The following POLA1 variants were observed in gnomAD, a reference collection of about 807,000 sequenced individuals.
POLA1 encodes the protein DNA polymerase alpha catalytic subunit.
A neutral mutation model predicts 124.0 loss-of-function variants in POLA1; 15 were observed. That is an observed-to-expected ratio of 0.12 (90% CI 0.08 to 0.19). The LOEUF (loss-of-function observed/expected upper bound fraction) is 0.19. Among genes scored for constraint, POLA1 ranks in the 10% least tolerant of loss-of-function variants. The probability of loss-of-function intolerance (pLI) is 1.00; values close to 1 mark genes in which losing one functional copy is unlikely to be tolerated. For synonymous variants in POLA1, 408 were observed against 389.4 expected (o/e 1.05, Z -0.56); for missense variants, 886 against 1,103.4 (o/e 0.80, Z 2.79).
At chrX:24,839,074 T>C (rs1257079919) in intron 32 of POLA1, among the ~76,000 whole-genome samples, 1 of 112,198 alleles carries the variant, frequency 8.9e-6, no homozygotes, top group Non-Finnish European at 1.9e-5. Flanking sequence ...TTTCTTAAAA[T>C]GATTTAATTT....
chrX:24,719,402 A>G (rs1930057584), intron 10 of POLA1, among the ~76,000 whole-genome samples: 1 of 112,058 alleles, frequency 8.9e-6, no homozygotes, highest in African/African-American at 3.2e-5. Flanking sequence ...AAAAGATATA[A>G]TCAATTTTAG....
At chrX:24,972,707 G>C (rs2048318184) in intron 36 of POLA1, among the ~76,000 whole-genome samples, 1 of 112,177 alleles carries the variant, frequency 8.9e-6, no homozygotes, top group Non-Finnish European at 1.9e-5. Context: ...GGCTGTCACA[G>C]GTTTGCAGAA....
intron 35 of POLA1, among the ~76,000 whole-genome samples, chrX:24,895,754 T>C (rs1431915128): frequency 8.9e-6 from 1 of 112,469 alleles, no homozygotes; most frequent in African/African-American, 3.2e-5. Context: ...TTGGAGAAGA[T>C]AAAAGATCTC....
At chrX:24,884,341 G>T (rs2047039749) in intron 34 of POLA1, among the ~76,000 whole-genome samples, 1 of 110,827 alleles carries the variant, frequency 9.0e-6, no homozygotes, top group South Asian at 3.9e-4. Context: ...TAGAGACAGG[G>T]TTTTGCCATG....
chrX:24,911,318 T>A (rs961870243), intron 35 of POLA1, among the ~76,000 whole-genome samples: 3 of 111,377 alleles, frequency 2.7e-5, no homozygotes, highest in African/African-American at 9.8e-5. Context: ...ATAACAAGTT[T>A]TAAGGTATTG....
intron 36 of POLA1, among the ~76,000 whole-genome samples, chrX:24,976,454 A>G (rs2048364697): frequency 1.8e-5 from 2 of 112,429 alleles, no homozygotes; most frequent in Admixed American, 1.9e-4. Flanking sequence ...CATTTTGGAT[A>G]AAAATTTCCT....
intron 26 of POLA1, chrX:24,788,670 G>A: frequency 8.3e-7 from 1 of 1,201,560 alleles, no homozygotes; most frequent in African/African-American, 1.7e-5. Flanking sequence ...ACAAGTGCAG[G>A]TTTTTTGGCT....
chrX:24,881,721 G>A (rs1426710590), intron 34 of POLA1, among the ~76,000 whole-genome samples: 1 of 111,613 alleles, frequency 9.0e-6, no homozygotes, highest in East Asian at 2.8e-4. Flanking sequence ...TTCAGCGTTA[G>A]GTGGAATAAG....
At position 24,714,618 on chromosome X, in the gene POLA1, G is replaced by A. The variant is rs187670867; in HGVS notation, c.411G>A (p.Pro137=). ...TAAAGAAGCTCGCAGTGACAAAACC[G>A]AACAACATTAAGTCAATGTTCATTG... ...RNVKKLAVTK[P]NNIKSMFIAC... Residue 137 remains proline (P), a synonymous_variant, in exon 5 of 37, where the codon CCG becomes CCA. Transcript: ENST00000379068. 4.9e-5 allele frequency: 59 copies of A among 1,198,325 alleles called. No individual in the cohort carries two copies. The African/African-American group carries it at 5.9e-4, about 12-fold the overall frequency.
rs756503299 is a variant in POLA1, at chrX:24,814,963, T to G, written c.3297-16T>G. Reference sequence around the variant, plus strand: ...CAACTGCTGTCTTTGTTTTGTTTTTTTTTTTTTTTTTGCAGCTTTGTGATT... The same window carrying G: ...CAACTGCTGTCTTTGTTTTGTTTTTGTTTTTTTTTTTGCAGCTTTGTGATT... On this transcript the variant is annotated splice_polypyrimidine_tract_variant and intron_variant, in intron 29 of 36. Coordinates refer to ENST00000379068, the MANE Select transcript of POLA1 (RefSeq NM_001330360.2). 8 of 1,073,721 alleles carry G rather than the reference T, an allele frequency of 7.5e-6. No homozygotes were observed. The highest frequency in any genetic ancestry group is 3.3e-5 in the East Asian group (1 of 30,404). The allele number at this position is 1,073,721 out of a possible 1,213,427, so 88.5% of individuals were successfully genotyped here. A position where few individuals can be genotyped will look rare whatever the true frequency, so the allele number is the denominator to read the frequency against.
intron 36 of POLA1, among the ~76,000 whole-genome samples, chrX:24,962,407 ATTTCT>A (rs2147261849): frequency 8.9e-6 from 1 of 112,305 alleles, no homozygotes; most frequent in East Asian, 2.8e-4. Flanking sequence ...ACTTGGGCAA[ATTTCT>A]TTTGATTACA....
intron 35 of POLA1, among the ~76,000 whole-genome samples, chrX:24,924,481 T>C (rs1261028053): frequency 9.0e-6 from 1 of 111,540 alleles, no homozygotes; most frequent in Non-Finnish European, 1.9e-5. Context: ...TTCAAAGGAC[T>C]AGTGTTGTAT....
chrX:24,812,575 T>A (rs747119806), intron 28 of POLA1, 83 bp from the exon 29 acceptor site: 5 of 576,065 alleles, frequency 8.7e-6, no homozygotes, highest in Non-Finnish European at 1.4e-5. Flanking sequence ...CTGTTTAGAT[T>A]AACTCTTGGG....
intron 36 of POLA1, among the ~76,000 whole-genome samples, chrX:24,944,285 A>G (rs1441609083): frequency 9.0e-6 from 1 of 111,242 alleles, no homozygotes; most frequent in East Asian, 2.8e-4. Flanking sequence ...TGCTTTCCCT[A>G]TATGTGAGGG....
chrX:24,802,891 G>A (rs912300183), intron 26 of POLA1, among the ~76,000 whole-genome samples: 3 of 111,507 alleles, frequency 2.7e-5, no homozygotes, highest in Admixed American at 9.5e-5. Context: ...CCAGCTACTC[G>A]GGAGGCTGAG....
At position 24,774,895 on chromosome X, in the gene POLA1, A is replaced by G. The variant is rs373786544; in HGVS notation, c.2964+25903A>G. ...TTTATGGGAGTTAGTGACACGTAGT[A>G]TACAAGGTTCTTTGAGATTCTTTCA... On this transcript the variant is annotated intron_variant, in intron 26 of 36. Transcript: ENST00000379068. 9.8e-5 allele frequency among the ~76,000 whole-genome samples: 11 copies of G among 112,329 alleles called. No individual in the cohort carries two copies. In the East Asian group the frequency reaches 1.4e-3, roughly 14 times the overall value.
intron 34 of POLA1, among the ~76,000 whole-genome samples, chrX:24,850,808 G>C (rs1215682493): frequency 1.8e-5 from 2 of 112,188 alleles, no homozygotes; most frequent in Non-Finnish European, 3.8e-5. Flanking sequence ...TTAAGGTGCT[G>C]AGAAAGTGCC....
intron 34 of POLA1, among the ~76,000 whole-genome samples, chrX:24,885,196 A>AT (rs2047050226): frequency 9.0e-6 from 1 of 111,652 alleles, no homozygotes; most frequent in African/African-American, 3.3e-5. Context: ...CTGTCTGCTT[A>AT]TTTTTTTTAG....
intron 35 of POLA1, among the ~76,000 whole-genome samples, chrX:24,898,320 C>T (rs1358543520): frequency 2.7e-5 from 3 of 112,045 alleles, no homozygotes; most frequent in Non-Finnish European, 3.8e-5. Flanking sequence ...ATCGCCTAAT[C>T]GGTCTTTAAA....
Sources: gnomAD v4.1 joint callset for allele counts (sites outside exome capture counted in the v4.1 genomes callset) on GRCh38, gnomAD v4.1.1 for gene constraint, MANE v1.5 for transcripts, NCBI Gene and HGNC (gene_info 2026-07-23, HGNC 2026-07-21) for gene names.